Variants in NLGN1 observed in about 807,000 individuals in gnomAD.
The protein encoded by NLGN1 is neuroligin 1.
A neutral mutation model predicts 65.5 loss-of-function variants in NLGN1; 12 were observed. The observed-to-expected ratio is 0.18, with a 90% CI of 0.12 to 0.30. NLGN1 has a LOEUF of 0.30. NLGN1 is among the 10% of genes least tolerant of loss of function. The pLI is 1.00. For missense variants in NLGN1, 750 were observed against 1,007.1 expected (o/e 0.74, Z 3.46); for synonymous variants, 350 against 359.5 (o/e 0.97, Z 0.30).
At chr3:173,730,325 C>G (rs1027099) in intron 3 of NLGN1, among the ~76,000 whole-genome samples, 3 of 23,902 alleles carry the variant, frequency 1.3e-4, no homozygotes, top group Admixed American at 5.3e-4. Flanking sequence ...CCACCGCTCC[C>G]CCCCCCCCGC....
intron 3 of NLGN1, among the ~76,000 whole-genome samples, chr3:173,728,704 G>C (rs548024366): frequency 6.6e-6 from 1 of 152,216 alleles, no homozygotes; most frequent in South Asian, 2.1e-4. Flanking sequence ...AGAACAACAT[G>C]TGAAAAACAG....
intron 4 of NLGN1, among the ~76,000 whole-genome samples, chr3:173,917,641 C>G (rs1741006087): frequency 6.6e-6 from 1 of 152,160 alleles, no homozygotes; most frequent in African/African-American, 2.4e-5. Flanking sequence ...CCTTAGTCCC[C>G]TAGTGATAGT....
chr3:173,616,606 G>A (rs958843222), intron 3 of NLGN1, among the ~76,000 whole-genome samples: 3 of 152,086 alleles, frequency 2.0e-5, no homozygotes, highest in Non-Finnish European at 4.4e-5. Context: ...ACCTTTCAGG[G>A]CTGTGTACAG....
chr3:173,728,416 C>T (rs935566482), intron 3 of NLGN1, among the ~76,000 whole-genome samples: 2 of 151,974 alleles, frequency 1.3e-5, no homozygotes, highest in Admixed American at 1.3e-4. Context: ...AGGTGACTAC[C>T]TCCTTTATAC....
At chr3:173,913,237 G>A (rs1376910464) in intron 4 of NLGN1, among the ~76,000 whole-genome samples, 1 of 152,164 alleles carries the variant, frequency 6.6e-6, no homozygotes. Context: ...CAAAGAAAGA[G>A]TAAGTGGAAG....
At chr3:174,113,013 C>T (rs920855543) in intron 4 of NLGN1, among the ~76,000 whole-genome samples, 3 of 151,780 alleles carry the variant, frequency 2.0e-5, no homozygotes, top group Non-Finnish European at 2.9e-5. Flanking sequence ...TACATAGTAT[C>T]TTCTATAATT....
At chr3:174,141,187 T>A (rs1722211666) in intron 4 of NLGN1, among the ~76,000 whole-genome samples, 1 of 152,120 alleles carries the variant, frequency 6.6e-6, no homozygotes, top group Non-Finnish European at 1.5e-5. Context: ...TATTAAGAAA[T>A]TAACAAGAAA....
At chr3:173,754,452 C>T (rs1776798390) in intron 3 of NLGN1, among the ~76,000 whole-genome samples, 1 of 152,062 alleles carries the variant, frequency 6.6e-6, no homozygotes, top group South Asian at 2.1e-4. Context: ...TTCTCTGTTT[C>T]ATATTTTTTC....
chr3:173,738,773 A>G (rs1439506215), intron 3 of NLGN1, among the ~76,000 whole-genome samples: 1 of 151,008 alleles, frequency 6.6e-6, no homozygotes, highest in East Asian at 1.9e-4. Flanking sequence ...AATTTATGCA[A>G]AGAGAGTATC....
At chr3:173,966,237 T>C (rs186934308) in intron 4 of NLGN1, among the ~76,000 whole-genome samples, 3 of 152,308 alleles carry the variant, frequency 2.0e-5, no homozygotes, top group Admixed American at 2.0e-4. Context: ...AGTCCACAGC[T>C]CTGCCTTTCA....
At chr3:173,862,453 C>T (rs1729309952) in intron 4 of NLGN1, among the ~76,000 whole-genome samples, 1 of 139,360 alleles carries the variant, frequency 7.2e-6, no homozygotes, top group South Asian at 2.2e-4. Flanking sequence ...TTGCAGTGAG[C>T]CGAGATCCCG....
intron 4 of NLGN1, among the ~76,000 whole-genome samples, chr3:174,051,349 G>C (rs1167537577): frequency 6.6e-6 from 1 of 152,024 alleles, no homozygotes; most frequent in South Asian, 2.1e-4. Flanking sequence ...TACCACGTCG[G>C]AAAGGTTGCC....
intron 3 of NLGN1, among the ~76,000 whole-genome samples, chr3:173,675,862 CTCTT>C (rs1440397986): frequency 7.7e-6 from 1 of 130,246 alleles, no homozygotes; most frequent in Non-Finnish European, 1.6e-5. Context: ...CTTTCTCTCT[CTCTT>C]TGTCTCTCTC....
rs181066710 is a variant in NLGN1 at position 174,154,665 on chromosome 3, A to G, written c.647-120650A>G. ...CAAGATAAGTCAGACTTTGTGCAGA[A>G]AACTGACAATGAAAGTGATTACATA... On this transcript the variant is annotated intron_variant, in intron 4 of 6. Coordinates refer to ENST00000457714, the Ensembl canonical transcript of NLGN1. Among the ~76,000 whole-genome samples, 411 of 151,904 alleles carry G rather than the reference A, an allele frequency of 2.7e-3. 2 individuals carry two copies. Among genetic ancestry groups the G allele is most frequent in the Non-Finnish European group, 4.3e-3 (293 of 67,936 alleles).
chr3:173,905,896 C>T (rs1028129869), intron 4 of NLGN1, among the ~76,000 whole-genome samples: 4 of 152,048 alleles, frequency 2.6e-5, no homozygotes, highest in Admixed American at 6.5e-5. Context: ...AATTTAATCA[C>T]GGGGGATGTA....
chr3:173,401,648 A>G (rs1045982954), intron 1 of NLGN1, among the ~76,000 whole-genome samples: 1 of 152,076 alleles, frequency 6.6e-6, no homozygotes, highest in Non-Finnish European at 1.5e-5. Context: ...TGGAAGATAG[A>G]TTTTTAGGGT....
chr3:173,553,137 C>G (rs557402811), intron 2 of NLGN1, among the ~76,000 whole-genome samples: 19 of 152,270 alleles, frequency 1.2e-4, no homozygotes, highest in Non-Finnish European at 1.0e-4. Flanking sequence ...ATTGTAAATA[C>G]TTGGAGGATT....
chr3:173,539,170 C>CCT (rs147874052), intron 2 of NLGN1, among the ~76,000 whole-genome samples: 4,371 of 151,940 alleles, frequency 0.029, 199 homozygotes, highest in African/African-American at 0.096. Flanking sequence ...TCGGGTGGTG[C>CCT]CTGCTTATTG....
At chr3:173,903,472 ATATATT>A (rs1297772627) in intron 4 of NLGN1, among the ~76,000 whole-genome samples, 1 of 152,182 alleles carries the variant, frequency 6.6e-6, no homozygotes, top group Non-Finnish European at 1.5e-5. Context: ...ATTATCTGAA[ATATATT>A]TATGTAAAAC....
Sources: allele counts gnomAD v4.1 joint callset (sites outside exome capture counted in the v4.1 genomes callset), GRCh38; gene constraint gnomAD v4.1.1; transcripts MANE v1.5; gene names NCBI Gene and HGNC (gene_info 2026-07-23, HGNC 2026-07-21).